SLC9A9: variants seen among roughly 807,000 people sequenced by gnomAD.
The protein encoded by SLC9A9 is sodium/hydrogen exchanger 9.
Under a neutral mutation model 77.8 loss-of-function variants are expected in SLC9A9, and 62 were observed. That is an observed-to-expected ratio of 0.80 (90% CI 0.65 to 0.98). The LOEUF (loss-of-function observed/expected upper bound fraction) is 0.98, where lower values mean the gene tolerates loss of function less well. Ranked by LOEUF, SLC9A9 falls within the 50% of genes least tolerant of loss-of-function variation. The pLI is 0.00. For synonymous variants in SLC9A9, 320 were observed against 283.5 expected, an observed-to-expected ratio of 1.13 and a Z score of -1.29; for missense variants, 775 against 774.9, an observed-to-expected ratio of 1.00 and a Z score of 0.00.
At chr3:143,488,418 T>C (rs1165949134) in intron 11 of SLC9A9, among the ~76,000 whole-genome samples, 2 of 151,986 alleles carry the variant, frequency 1.3e-5, no homozygotes, top group Non-Finnish European at 2.9e-5. Flanking sequence ...CCAGCATTAC[T>C]CTGATATCAA....
At chr3:143,374,822 GTTA>G (rs2033145029) in intron 13 of SLC9A9, among the ~76,000 whole-genome samples, 1 of 152,048 alleles carries the variant, frequency 6.6e-6, no homozygotes, top group African/African-American at 2.4e-5. Context: ...ATACAATTAA[GTTA>G]TTATTGACTA....
Position 143,467,056 on chromosome 3 carries a change from A to G in SLC9A9, c.1450T>C (p.Leu484=). Residue 484 remains leucine, a synonymous_variant, in exon 12 of 16, where the codon TTG becomes CTG. Transcript: ENST00000316549. ...WVFGGGTTPM[L]TWLQIRVGVD... The stretch of plus-strand genomic sequence containing the variant: ...ACTCACCTGATCTGAAGCCAAGTCA[A>G]CATGGGGGTTGTTCCTCCTCCAAAT... The G allele has an allele frequency of 1.2e-6, 2 of 1,613,946 alleles. No homozygotes were observed. The highest frequency in any genetic ancestry group is 3.3e-4 in the Middle Eastern group (2 of 6,042).
intron 2 of SLC9A9, among the ~76,000 whole-genome samples, chr3:143,809,466 C>T (rs147749553): frequency 6.6e-6 from 1 of 152,282 alleles, no homozygotes; most frequent in East Asian, 1.9e-4. Context: ...GGGAGTAACT[C>T]CAAACCCAGA....
At chr3:143,297,362 G>A (rs958944681) in intron 14 of SLC9A9, among the ~76,000 whole-genome samples, 17 of 152,146 alleles carry the variant, frequency 1.1e-4, no homozygotes, top group African/African-American at 3.6e-4. Flanking sequence ...ATAGGCCAAC[G>A]GAGCAGAAGC....
chr3:143,778,005 G>A (rs186709301), intron 4 of SLC9A9, among the ~76,000 whole-genome samples: 79 of 113,062 alleles, frequency 7.0e-4, no homozygotes, highest in African/African-American at 2.3e-3. Context: ...GAGCCACCAC[G>A]CCCGGCCCGT....
At chr3:143,276,200 A>T (rs1321618365) in intron 14 of SLC9A9, among the ~76,000 whole-genome samples, 1 of 152,192 alleles carries the variant, frequency 6.6e-6, no homozygotes, top group Non-Finnish European at 1.5e-5. Context: ...TACTGAGACC[A>T]TCTAGTTACT....
chr3:143,622,444 G>C (rs1184885142), intron 6 of SLC9A9, among the ~76,000 whole-genome samples: 1 of 152,198 alleles, frequency 6.6e-6, no homozygotes, highest in Non-Finnish European at 1.5e-5. Flanking sequence ...AGCCAGAAGA[G>C]AGTGGGGGCC....
chr3:143,648,124 A>AT (rs61703836), intron 6 of SLC9A9, among the ~76,000 whole-genome samples: 89,020 of 151,920 alleles, frequency 0.59, 26,217 homozygotes, highest in African/African-American at 0.61. Context: ...TTACAACCAT[A>AT]TTACTTTATT....
intron 1 of SLC9A9, among the ~76,000 whole-genome samples, chr3:143,844,781 CT>C (rs971362705): frequency 7.6e-6 from 1 of 131,896 alleles, no homozygotes; most frequent in Non-Finnish European, 1.6e-5. Flanking sequence ...TTCTTTCTTT[CT>C]TTCTTTCTGA....
chr3:143,415,879 A>G (rs7617737), intron 12 of SLC9A9, among the ~76,000 whole-genome samples: 40,832 of 152,196 alleles, frequency 0.27, 6,014 homozygotes, highest in Non-Finnish European at 0.34. Flanking sequence ...AAGACCTTCT[A>G]GAAAGAATGC....
rs142776127 is a variant in SLC9A9 at position 143,802,025 on chromosome 3, C to A, written c.379-5122G>T. The stretch of plus-strand genomic sequence containing the variant: ...AAAAGGCATCAGATCCCATTGCCCT[C>A]GGCAACGCTTATGCTGATAAGGTAG... On this transcript the variant is annotated intron_variant, in intron 2 of 15. Coordinates refer to ENST00000316549, the MANE Select transcript of SLC9A9 (RefSeq NM_173653.4). Among the ~76,000 whole-genome samples the A allele has an allele frequency of 2.0e-5, 3 of 152,306 alleles. No homozygotes were observed. In the East Asian group the frequency reaches 5.8e-4, roughly 29 times the overall value.
At chr3:143,538,692 A>C (rs1237218978) in intron 9 of SLC9A9, among the ~76,000 whole-genome samples, 4 of 152,172 alleles carry the variant, frequency 2.6e-5, no homozygotes, top group African/African-American at 9.7e-5. Context: ...GAGATCTTCT[A>C]TCCCGGCCCT....
chr3:143,669,109 T>A (rs2039120618), intron 5 of SLC9A9, among the ~76,000 whole-genome samples: 1 of 152,122 alleles, frequency 6.6e-6, no homozygotes, highest in South Asian at 2.1e-4. Context: ...ATCCAGAGAG[T>A]GAGTGCCTTC....
At chr3:143,565,131 G>A (rs914381825) in intron 8 of SLC9A9, among the ~76,000 whole-genome samples, 1 of 152,138 alleles carries the variant, frequency 6.6e-6, no homozygotes, top group African/African-American at 2.4e-5. Context: ...ACTTTTCCAT[G>A]TGGATATTCT....
intron 11 of SLC9A9, among the ~76,000 whole-genome samples, chr3:143,487,404 A>G (rs1293279165): frequency 6.6e-6 from 1 of 151,896 alleles, no homozygotes; most frequent in Non-Finnish European, 1.5e-5. Flanking sequence ...AGAAAACAGT[A>G]TGATAATCCA....
intron 8 of SLC9A9, among the ~76,000 whole-genome samples, chr3:143,564,315 G>A (rs984130496): frequency 6.6e-6 from 1 of 152,156 alleles, no homozygotes; most frequent in Non-Finnish European, 1.5e-5. Context: ...CATGAAGCAT[G>A]CTCTACCTTG....
At chr3:143,460,949 C>A (rs2035179767) in intron 12 of SLC9A9, among the ~76,000 whole-genome samples, 1 of 151,944 alleles carries the variant, frequency 6.6e-6, no homozygotes, top group Non-Finnish European at 1.5e-5. Context: ...AAAGGCAGTA[C>A]CAGGTATGGA....
chr3:143,681,003 A>G (rs55641438), intron 5 of SLC9A9, among the ~76,000 whole-genome samples: 61,365 of 151,874 alleles, frequency 0.4, 12,881 homozygotes, highest in South Asian at 0.61. Flanking sequence ...CCTTGAACTA[A>G]AAGTGTCCCT....
In SLC9A9 at chr3:143,655,681, TACACAC is replaced by T. The variant is rs4024568; in HGVS notation, c.650-3327_650-3322del. The T allele has an allele frequency of 4.4e-3, 2,733 of 623,330 alleles. 5 individuals are homozygous for T. Among genetic ancestry groups the T allele is most frequent in the African/African-American group, 9.1e-3 (445 of 48,810 alleles). 38.6% of individuals were successfully genotyped at this position (623,330 alleles called of 1,614,324 possible). ...GCTCAAGGAGATGAACATGCACATG[TACACAC>T]ACACACACACACACACACACACACA... On this transcript the variant is annotated intron_variant, in intron 5 of 15. Transcript: ENST00000316549.
Sources: allele counts gnomAD v4.1 joint callset (sites outside exome capture counted in the v4.1 genomes callset), GRCh38; gene constraint gnomAD v4.1.1; transcripts MANE v1.5; gene names NCBI Gene and HGNC (gene_info 2026-07-23, HGNC 2026-07-21).